KIF20B: variants seen among roughly 807,000 people sequenced by gnomAD.
KIF20B encodes the protein kinesin-like protein KIF20B.
Under a neutral mutation model 232.5 loss-of-function variants are expected in KIF20B, and 188 were observed. The observed-to-expected ratio is 0.81, with a 90% CI of 0.72 to 0.91. KIF20B has a LOEUF of 0.91. Ranked by LOEUF, KIF20B falls within the 40% of genes least tolerant of loss-of-function variation. The pLI, the probability that KIF20B is intolerant of heterozygous loss-of-function variation, is 0.00. For synonymous variants in KIF20B, 712 were observed against 683.0 expected, an observed-to-expected ratio of 1.04 and a Z score of -0.66; for missense variants, 2,154 against 2,055.9, an observed-to-expected ratio of 1.05 and a Z score of -0.92.
chr10:89,705,781 T>C (rs1842709794), intron 2 of KIF20B, among the ~76,000 whole-genome samples: 1 of 152,250 alleles, frequency 6.6e-6, no homozygotes, highest in African/African-American at 2.4e-5. Context: ...ATTAGCTGTC[T>C]AGCTCTTTAC....
At chr10:89,722,673 A>T (rs1019450030) in intron 13 of KIF20B, among the ~76,000 whole-genome samples, 8 of 152,206 alleles carry the variant, frequency 5.3e-5, no homozygotes, top group Non-Finnish European at 1.0e-4. Context: ...CGTCTCAAAA[A>T]AAATAAATAA....
intron 18 of KIF20B, among the ~76,000 whole-genome samples, chr10:89,729,645 A>T (rs1843275176): frequency 6.6e-6 from 1 of 152,180 alleles, no homozygotes. Flanking sequence ...TTTCCTTAGA[A>T]GCTTGTTTTT....
chr10:89,742,937 G>A (rs553734439), intron 21 of KIF20B, among the ~76,000 whole-genome samples: 1 of 152,020 alleles, frequency 6.6e-6, no homozygotes, highest in Non-Finnish European at 1.5e-5. Flanking sequence ...TCCTGACCTC[G>A]TGATCCACTT....
In KIF20B at chr10:89,715,136, G is replaced by A; in HGVS notation, c.894G>A (p.Lys298=). The A allele has an allele frequency of 6.2e-7, 1 of 1,606,660 alleles. No homozygotes were observed. Among genetic ancestry groups the A allele is most frequent in the Non-Finnish European group, 8.5e-7 (1 of 1,177,190 alleles). The change falls in exon 8 of 33, where the codon AAG becomes AAA. Residue 298 remains lysine (K), a synonymous_variant. Transcript: ENST00000371728. ...TATCATCTAAATTCCAAAAGAGAAA[G>A]ATGCTGCGCCTTTCCCAAGACGTAA... ...VPVSSKFQKR[K]MLRLSQDVKG... is the part of the protein sequence containing the mutation.
In KIF20B at chr10:89,768,326, C is replaced by A; in HGVS notation, c.5026C>A (p.Pro1676Thr). The A allele has an allele frequency of 6.3e-7, 1 of 1,589,736 alleles. No individual in the cohort carries two copies. Among genetic ancestry groups the A allele is most frequent in the Non-Finnish European group, 8.6e-7 (1 of 1,165,960 alleles). ...VKCENKKNAT[P>T]RTNLKFPISD... ...ATGTGAAAATAAGAAGAATGCTACA[C>A]CCAGAACTAATTTGAAATTTCCTAT... The change falls in exon 30 of 33, where the codon CCC (proline) becomes ACC (threonine). Residue 1676 changes from proline to threonine, a missense_variant. Pro to Thr is a conservative substitution (Grantham distance 38, BLOSUM62 -1). Coordinates refer to ENST00000371728, the MANE Select transcript of KIF20B (RefSeq NM_001284259.2).
rs1316756789 is a variant in KIF20B at position 89,737,942 on chromosome 10, T to C, written c.3101T>C (p.Leu1034Ser). Reference protein sequence around the residue: ...TQLDLLGNDYLVSKQVKEYRI... With the variant: ...TQLDLLGNDYSVSKQVKEYRI... ...TTAGACCTTTTAGGTAATGATTATT[T>C]GGTAAGTAAGCAAGTTAAAGAATAT... The change falls in exon 20 of 33, where the codon TTG (leucine) becomes TCG (serine). Residue 1034 changes from leucine (L) to serine (S), a missense_variant. Coordinates refer to ENST00000371728, the MANE Select transcript of KIF20B (RefSeq NM_001284259.2). 2.5e-6 allele frequency: 4 copies of C among 1,613,338 alleles called. No homozygotes were observed. Among genetic ancestry groups the C allele is most frequent in the South Asian group, 1.1e-5 (1 of 90,952 alleles).
chr10:89,759,729 T>C (rs1310673523), intron 27 of KIF20B, among the ~76,000 whole-genome samples: 2 of 152,134 alleles, frequency 1.3e-5, no homozygotes, highest in Non-Finnish European at 2.9e-5. Context: ...GTGAAATTAA[T>C]GAAGATTGTA....
At chr10:89,755,559 T>G (rs1842104644) in intron 26 of KIF20B, among the ~76,000 whole-genome samples, 2 of 150,412 alleles carry the variant, frequency 1.3e-5, no homozygotes, top group African/African-American at 2.4e-5. Context: ...CCCTTCCCCG[T>G]GCCCATCCCC....
intron 11 of KIF20B, among the ~76,000 whole-genome samples, chr10:89,718,010 C>T (rs1842969956): frequency 2.0e-5 from 3 of 152,124 alleles, no homozygotes; most frequent in Admixed American, 2.0e-4. Flanking sequence ...TCTAAAACCA[C>T]TTTATTCTTA....
In KIF20B at chr10:89,715,025, G is replaced by A. The variant is rs780955617; in HGVS notation, c.783G>A (p.Leu261=). The part of the protein sequence containing the change: ...ESIKDYEQAN[L]NMANSIKFSV... ...TAAAAGATTATGAACAAGCCAACTTGAATATGGCTAATAGTATAAAATTTT... is the reference window on the plus strand; with the variant it reads ...TAAAAGATTATGAACAAGCCAACTTAAATATGGCTAATAGTATAAAATTTT... The change falls in exon 8 of 33, where the codon TTG becomes TTA. Residue 261 remains leucine (L), a synonymous_variant. Transcript: ENST00000371728. 6.2e-7 allele frequency: 1 copy of A among 1,604,686 alleles called. No individual in the cohort carries two copies.
At chr10:89,703,113 A>G (rs950238513) in intron 1 of KIF20B, among the ~76,000 whole-genome samples, 2 of 145,930 alleles carry the variant, frequency 1.4e-5, no homozygotes, top group African/African-American at 4.9e-5. Flanking sequence ...TCTTTAAACC[A>G]AAAATTATTA....
Position 89,737,654 on chromosome 10 carries a change from C to T in KIF20B, c.2813C>T (p.Ser938Leu). 1 of 1,611,538 alleles carries T rather than the reference C, an allele frequency of 6.2e-7. No individual in the cohort carries two copies. The highest frequency in any genetic ancestry group is 8.5e-7 in the Non-Finnish European group (1 of 1,178,500). Residue 938 changes from serine to leucine, a missense_variant, in exon 20 of 33, where the codon TCA (serine) becomes TTA (leucine). Ser to Leu is a moderately radical substitution (Grantham distance 145). Transcript: ENST00000371728. ...AGTAAAGAGGTCCAACAAATTCAGT[C>T]AAATTATGATATTGCAATTGCTGAA... ...TLSKEVQQIQ[S>L]NYDIAIAELH... is the part of the protein sequence containing the mutation.
At chr10:89,744,126 T>C (rs10785901) in intron 22 of KIF20B, among the ~76,000 whole-genome samples, 199 bp downstream of exon 22, 47,340 of 151,750 alleles carry the variant, frequency 0.31, 8,358 homozygotes, top group African/African-American at 0.47. Context: ...TCTCTTCTAA[T>C]GAATAGACTA....
At chr10:89,771,731 G>T (rs1486287668) in intron 31 of KIF20B, among the ~76,000 whole-genome samples, 1 of 151,960 alleles carries the variant, frequency 6.6e-6, no homozygotes, top group Non-Finnish European at 1.5e-5. Context: ...CCAACCTCCA[G>T]CCCTGAGGTC....
rs911415682 is a variant in KIF20B at position 89,725,034 on chromosome 10, A to G, written c.1877A>G (p.Gln626Arg). 6.2e-7 allele frequency: 1 copy of G among 1,613,558 alleles called. No individual in the cohort carries two copies. Among genetic ancestry groups the G allele is most frequent in the African/African-American group, 1.3e-5 (1 of 75,024 alleles). ...READFKETLL[Q>R]EREILEENAE... ...GTATTTTGAAGGGAGACTCTGCTTCAAGAACGAGAGATATTAGAAGAAAAT... is the reference window on the plus strand; with the variant it reads ...GTATTTTGAAGGGAGACTCTGCTTCGAGAACGAGAGATATTAGAAGAAAAT... Residue 626 changes from glutamine to arginine, a missense_variant, in exon 15 of 33, where the codon CAA becomes CGA. By Grantham distance (43) the Gln-to-Arg change is conservative. Transcript: ENST00000371728.
chr10:89,720,315 A>C (rs2133100068), intron 13 of KIF20B, among the ~76,000 whole-genome samples: 1 of 152,318 alleles, frequency 6.6e-6, no homozygotes, highest in Non-Finnish European at 1.5e-5. Flanking sequence ...ATTTAGGTTT[A>C]ATACATTAGG....
chr10:89,748,217 C>T (rs1467082274), intron 23 of KIF20B, among the ~76,000 whole-genome samples: 2 of 152,162 alleles, frequency 1.3e-5, no homozygotes, highest in African/African-American at 2.4e-5. Flanking sequence ...GCCATGTTGG[C>T]CAGGCTAGTC....
At chr10:89,763,427 G>C (rs1176205492) in intron 29 of KIF20B, among the ~76,000 whole-genome samples, 1 of 152,164 alleles carries the variant, frequency 6.6e-6, no homozygotes, top group Non-Finnish European at 1.5e-5. Flanking sequence ...TACCAGTCCT[G>C]TTCATACTTA....
intron 18 of KIF20B, 51 bp from the exon 19 acceptor site, chr10:89,732,852 A>T: frequency 2.8e-6 from 4 of 1,412,366 alleles, no homozygotes; most frequent in Non-Finnish European, 2.8e-6. Flanking sequence ...TGATTTGTAC[A>T]TTTTTTGTAG....
Sources: gnomAD v4.1 joint callset for allele counts (sites outside exome capture counted in the v4.1 genomes callset) on GRCh38, gnomAD v4.1.1 for gene constraint, MANE v1.5 for transcripts, NCBI Gene and HGNC (gene_info 2026-07-23, HGNC 2026-07-21) for gene names.